Variants in SUPT3H observed in about 807,000 individuals in gnomAD.
The protein encoded by SUPT3H is SPT3 homolog, SAGA and STAGA complex component.
SUPT3H carries 44 observed loss-of-function variants against 44.3 expected under a neutral mutation model. The ratio of observed to expected loss-of-function variants is 0.99; its 90% CI spans 0.78 to 1.28. SUPT3H has a LOEUF of 1.28. SUPT3H is among the 50% of genes most tolerant of loss of function. SUPT3H has a pLI of 0.00. For missense variants in SUPT3H, 380 were observed against 387.1 expected (o/e 0.98, Z 0.15); for synonymous variants, 124 against 125.6 (o/e 0.99, Z 0.09).
At chr6:44,993,944 C>G (rs1780933151) in intron 6 of SUPT3H, among the ~76,000 whole-genome samples, 1 of 152,000 alleles carries the variant, frequency 6.6e-6, no homozygotes, top group Non-Finnish European at 1.5e-5. Context: ...ATTCAATGAC[C>G]CTGCCTAAAT....
intron 3 of SUPT3H, among the ~76,000 whole-genome samples, chr6:45,091,409 AG>A (rs1182616690): frequency 1.3e-5 from 2 of 152,036 alleles, no homozygotes; most frequent in African/African-American, 2.4e-5. Flanking sequence ...AGAGAACCAC[AG>A]AATACTCAGA....
At chr6:45,177,013 TCTC>T (rs1156821281) in intron 2 of SUPT3H, among the ~76,000 whole-genome samples, 2 of 152,196 alleles carry the variant, frequency 1.3e-5, no homozygotes, top group Admixed American at 6.5e-5. Flanking sequence ...ACAGAGTGCC[TCTC>T]CTCCTCCAAA....
At chr6:44,927,534 C>G (rs967190920) in intron 10 of SUPT3H, among the ~76,000 whole-genome samples, 1 of 152,012 alleles carries the variant, frequency 6.6e-6, no homozygotes. Flanking sequence ...ATTGAAGAAA[C>G]TTTATAAATT....
intron 10 of SUPT3H, among the ~76,000 whole-genome samples, 171 bp downstream of exon 10, chr6:44,932,480 AAG>A (rs1256427790): frequency 3.3e-5 from 5 of 152,244 alleles, no homozygotes; most frequent in Admixed American, 3.3e-4. Context: ...TCCTTCCAAA[AAG>A]AGATGAAAAT....
intron 3 of SUPT3H, among the ~76,000 whole-genome samples, chr6:45,084,723 A>G (rs1796272320): frequency 6.6e-6 from 1 of 152,198 alleles, no homozygotes; most frequent in East Asian, 1.9e-4. Context: ...GGTGTCCATC[A>G]ACAGTATATT....
At chr6:44,928,951 G>T (rs1010702089) in intron 10 of SUPT3H, among the ~76,000 whole-genome samples, 1 of 149,108 alleles carries the variant, frequency 6.7e-6, no homozygotes, top group Admixed American at 6.7e-5. Context: ...ATGCCAAAGA[G>T]AGTACTGTTG....
intron 6 of SUPT3H, among the ~76,000 whole-genome samples, chr6:44,983,719 G>A (rs1426474125): frequency 6.6e-6 from 1 of 152,152 alleles, no homozygotes; most frequent in East Asian, 1.9e-4. Flanking sequence ...ATTTGCTTAA[G>A]TAATATAGTA....
chr6:45,305,933 C>T (rs1782919273), intron 2 of SUPT3H, among the ~76,000 whole-genome samples: 1 of 152,206 alleles, frequency 6.6e-6, no homozygotes, highest in Non-Finnish European at 1.5e-5. Flanking sequence ...ACCAAACCAG[C>T]TATCACACAG....
intron 2 of SUPT3H, among the ~76,000 whole-genome samples, chr6:45,217,860 A>C (rs1200830270): frequency 6.6e-6 from 1 of 152,152 alleles, no homozygotes; most frequent in Non-Finnish European, 1.5e-5. Flanking sequence ...GCTGCACTCC[A>C]GCCTGAGTGA....
intron 2 of SUPT3H, among the ~76,000 whole-genome samples, chr6:45,125,959 A>C (rs1802375543): frequency 6.6e-6 from 1 of 152,150 alleles, no homozygotes; most frequent in Admixed American, 6.5e-5. Flanking sequence ...GAAGTTTTGA[A>C]AAAGGAGATT....
At chr6:44,867,250 CAA>C (rs749542592) in intron 10 of SUPT3H, among the ~76,000 whole-genome samples, 15 of 151,596 alleles carry the variant, frequency 9.9e-5, no homozygotes, top group Non-Finnish European at 1.6e-4. Context: ...CTCCTGGGCT[CAA>C]GTGATTCTCC....
chr6:44,947,039 A>G (rs997708518), intron 9 of SUPT3H, among the ~76,000 whole-genome samples: 49 of 152,226 alleles, frequency 3.2e-4, no homozygotes, highest in Non-Finnish European at 3.8e-4. Context: ...ACCTTCCACC[A>G]GCAAAAAGAT....
At chr6:45,286,026 G>C (rs1343883609) in intron 2 of SUPT3H, among the ~76,000 whole-genome samples, 1 of 139,814 alleles carries the variant, frequency 7.2e-6, no homozygotes. Context: ...ATGGTGCTGG[G>C]AAAACTGGCT....
intron 9 of SUPT3H, among the ~76,000 whole-genome samples, chr6:44,938,903 T>C (rs1308871208): frequency 6.6e-6 from 1 of 152,190 alleles, no homozygotes; most frequent in Non-Finnish European, 1.5e-5. Flanking sequence ...ACACTACTGA[T>C]TTTTGTACAA....
At chr6:45,060,198 T>C (rs182548784) in intron 3 of SUPT3H, among the ~76,000 whole-genome samples, 2 of 152,184 alleles carry the variant, frequency 1.3e-5, no homozygotes, top group Non-Finnish European at 2.9e-5. Context: ...CTTCAAACTA[T>C]ATTACAAGGA....
intron 3 of SUPT3H, among the ~76,000 whole-genome samples, chr6:45,044,906 T>G (rs891768276): frequency 2.6e-5 from 4 of 152,136 alleles, no homozygotes; most frequent in African/African-American, 9.7e-5. Context: ...ATTATTTTAG[T>G]GTTACAAATT....
At chr6:45,331,126 T>TGTGCGC (rs1554347257) in intron 2 of SUPT3H, among the ~76,000 whole-genome samples, 2 of 132,822 alleles carry the variant, frequency 1.5e-5, no homozygotes, top group African/African-American at 5.4e-5. Flanking sequence ...TGTGTGTGTG[T>TGTGCGC]GCGCGCGCGC....
chr6:45,139,426 C>T (rs1247393602), intron 2 of SUPT3H, among the ~76,000 whole-genome samples: 1 of 152,184 alleles, frequency 6.6e-6, no homozygotes, highest in Non-Finnish European at 1.5e-5. Context: ...ATAGACAGAA[C>T]AGCACATGGA....
rs57510967 is a variant in SUPT3H at position 45,050,278 on chromosome 6, AGTGTGTGTGT to A, written c.187-29656_187-29647del. Among the ~76,000 whole-genome samples the A allele has an allele frequency of 7.6e-3, 1,117 of 147,420 alleles. 18 individuals carry two copies. The highest frequency in any genetic ancestry group is 0.027 in the African/African-American group (1,069 of 39,830). On this transcript the variant is annotated intron_variant, in intron 3 of 10. Coordinates refer to ENST00000371459, the MANE Select transcript of SUPT3H (RefSeq NM_003599.4). ...GTTTAGCAAACACTGCTTTTTCTGC[AGTGTGTGTGT>A]GTGTGTGTGTGTGTGTGTGTGTAAA...
Sources: allele counts gnomAD v4.1 joint callset (sites outside exome capture counted in the v4.1 genomes callset), GRCh38; gene constraint gnomAD v4.1.1; transcripts MANE v1.5; gene names NCBI Gene and HGNC (gene_info 2026-07-23, HGNC 2026-07-21).